The following TACC2 variants were observed in gnomAD, a reference collection of about 807,000 sequenced individuals.
TACC2 encodes the protein transforming acidic coiled-coil-containing protein 2.
A neutral mutation model predicts 227.3 loss-of-function variants in TACC2; 137 were observed. The ratio of observed to expected loss-of-function variants is 0.60; its 90% CI spans 0.52 to 0.69. The LOEUF is 0.69. TACC2 is among the 30% of genes least tolerant of loss of function. The pLI is 0.00. For synonymous variants in TACC2, 1,523 were observed against 1,487.5 expected, an observed-to-expected ratio of 1.02 and a Z score of -0.55; for missense variants, 3,470 against 3,694.4, an observed-to-expected ratio of 0.94 and a Z score of 1.57.
chr10:122,132,265 G>T (rs189726745), intron 5 of TACC2, among the ~76,000 whole-genome samples: 1 of 152,234 alleles, frequency 6.6e-6, no homozygotes, highest in Non-Finnish European at 1.5e-5. Context: ...CTTGTAGGAG[G>T]CCAGGCACGG....
chr10:122,160,427 T>C (rs545032195), intron 7 of TACC2, among the ~76,000 whole-genome samples: 10 of 152,310 alleles, frequency 6.6e-5, no homozygotes, highest in African/African-American at 2.2e-4. Context: ...TTCTGGAGGC[T>C]GGAAGTCTGA....
At chr10:122,212,389 C>G (rs138539060) in intron 9 of TACC2, among the ~76,000 whole-genome samples, 22 of 152,292 alleles carry the variant, frequency 1.4e-4, no homozygotes, top group African/African-American at 3.6e-4. Context: ...GTCCTTGGCT[C>G]TATGGTCCCC....
chr10:122,148,351 G>T (rs1336311366), intron 7 of TACC2, among the ~76,000 whole-genome samples: 1 of 152,160 alleles, frequency 6.6e-6, no homozygotes, highest in South Asian at 2.1e-4. Context: ...TGATCCGACC[G>T]CCTCAGCCTC....
chr10:122,161,651 C>T (rs146536265), intron 7 of TACC2, among the ~76,000 whole-genome samples: 30 of 152,346 alleles, frequency 2.0e-4, no homozygotes, highest in African/African-American at 6.7e-4. Flanking sequence ...AGGCTAAGGA[C>T]GTTTAGATGG....
chr10:122,078,324 G>A (rs930804966), intron 3 of TACC2, among the ~76,000 whole-genome samples: 3 of 151,384 alleles, frequency 2.0e-5, no homozygotes, highest in Admixed American at 6.6e-5. Flanking sequence ...AAACCTGGTC[G>A]TGCAGGGGCC....
intron 11 of TACC2, among the ~76,000 whole-genome samples, chr10:122,221,062 G>A (rs118090091): frequency 6.6e-6 from 1 of 152,344 alleles, no homozygotes; most frequent in East Asian, 1.9e-4. Flanking sequence ...GAATGTTGCA[G>A]AGCTTCAAGT....
In TACC2 at chr10:122,086,119, A is replaced by G. The variant is rs2080070628; in HGVS notation, c.3619A>G (p.Thr1207Ala). Residue 1207 changes from threonine to alanine, a missense_variant, in exon 4 of 23, where the codon ACC becomes GCC. Thr to Ala is a moderately conservative substitution (Grantham distance 58). Transcript: ENST00000369005. Reference protein sequence around the residue: ...ARELGGIPRSTMDFSTHQAVP... With the variant: ...ARELGGIPRSAMDFSTHQAVP... ...AGAGCTGGGTGGGATTCCCAGGAGCACCATGGATTTTTCTACACACCAGGC... is the reference window on the plus strand; with the variant it reads ...AGAGCTGGGTGGGATTCCCAGGAGCGCCATGGATTTTTCTACACACCAGGC... 1 of 1,613,390 alleles carries G rather than the reference A, an allele frequency of 6.2e-7. No homozygotes were observed. The highest frequency in any genetic ancestry group is 8.5e-7 in the Non-Finnish European group (1 of 1,179,978).
chr10:122,018,152 A>G (rs372982436), intron 1 of TACC2, among the ~76,000 whole-genome samples: 1 of 151,940 alleles, frequency 6.6e-6, no homozygotes. Flanking sequence ...GCCCTGGTGT[A>G]TGTTGTTCCC....
At chr10:122,136,998 T>G (rs1268447332) in intron 6 of TACC2, among the ~76,000 whole-genome samples, 2 of 152,142 alleles carry the variant, frequency 1.3e-5, no homozygotes, top group Admixed American at 6.5e-5. Flanking sequence ...CCCTCTAGTT[T>G]CAAGAGCTCT....
chr10:122,008,234 G>A (rs1248984546), intron 1 of TACC2, among the ~76,000 whole-genome samples: 1 of 132,824 alleles, frequency 7.5e-6, no homozygotes, highest in Non-Finnish European at 1.6e-5. Flanking sequence ...TTTGAATTCT[G>A]TCTATCCCTT....
chr10:122,112,927 G>A (rs1478670432), intron 5 of TACC2: 1 of 152,048 alleles, frequency 6.6e-6, no homozygotes, highest in Non-Finnish European at 1.5e-5. Context: ...CCCTGCGCGA[G>A]CAGCTGGCCG....
At chr10:122,008,244 TTG>T (rs1187156339) in intron 1 of TACC2, among the ~76,000 whole-genome samples, 6 of 62,482 alleles carry the variant, frequency 9.6e-5, no homozygotes, top group African/African-American at 4.0e-4. Flanking sequence ...GTCTATCCCT[TTG>T]TTATTATTAT....
intron 6 of TACC2, among the ~76,000 whole-genome samples, chr10:122,133,946 C>T (rs975512027): frequency 6.6e-6 from 1 of 152,118 alleles, no homozygotes; most frequent in East Asian, 1.9e-4. Context: ...GGGACAGGGA[C>T]CTGGGGGCTG....
intron 3 of TACC2, among the ~76,000 whole-genome samples, chr10:122,072,924 C>T (rs1319734576): frequency 2.0e-5 from 3 of 151,354 alleles, no homozygotes; most frequent in Non-Finnish European, 4.4e-5. Context: ...CCATCCTAGC[C>T]AACATGATGA....
intron 11 of TACC2, among the ~76,000 whole-genome samples, chr10:122,223,909 A>C (rs1375757526): frequency 6.6e-6 from 1 of 152,148 alleles, no homozygotes; most frequent in Admixed American, 6.5e-5. Flanking sequence ...GTGAAGACAG[A>C]AGTCCATTCT....
Position 122,210,191 on chromosome 10 carries a change from A to G in TACC2, c.5972-206A>G. The G allele has an allele frequency of 1.6e-6, 1 of 611,328 alleles. No individual in the cohort carries two copies. The highest frequency in any genetic ancestry group is 3.0e-6 in the Non-Finnish European group (1 of 334,472). The allele number at this position is 611,328 out of a possible 1,614,324, so 37.9% of individuals were successfully genotyped here. A position where few individuals can be genotyped will look rare whatever the true frequency, so the allele number is the denominator to read the frequency against. ...ATGATCCTCATTGTACAGATGAGGG[A>G]ACTCTGGGCGAACCTGGCCTGGGTC... On this transcript the variant is annotated intron_variant, in intron 8 of 22. Coordinates refer to ENST00000369005, the MANE Select transcript of TACC2 (RefSeq NM_206862.4). The surrounding 1 kb of genome is among the most constrained non-coding windows in gnomAD (Gnocchi z 4.6).
intron 9 of TACC2, among the ~76,000 whole-genome samples, chr10:122,212,824 T>C (rs534586224): frequency 6.6e-6 from 1 of 152,334 alleles, no homozygotes; most frequent in African/African-American, 2.4e-5. Flanking sequence ...GACTTTGTTT[T>C]AGATCAGTTA....
At chr10:122,020,737 G>C (rs895718204) in intron 1 of TACC2, among the ~76,000 whole-genome samples, 1 of 152,182 alleles carries the variant, frequency 6.6e-6, no homozygotes, top group Non-Finnish European at 1.5e-5. Context: ...CACTGGGTTA[G>C]ACTGGTCATC....
intron 16 of TACC2, among the ~76,000 whole-genome samples, chr10:122,233,876 C>A (rs2095806929): frequency 6.6e-6 from 1 of 152,194 alleles, no homozygotes; most frequent in African/African-American, 2.4e-5. Context: ...CCCATGATCA[C>A]CGCTCCTGCT....
Sources: gnomAD v4.1 joint callset for allele counts (sites outside exome capture counted in the v4.1 genomes callset) on GRCh38, gnomAD v4.1.1 for gene constraint, Gnocchi (gnomAD v3.1) non-coding constraint, MANE v1.5 for transcripts, NCBI Gene and HGNC (gene_info 2026-07-23, HGNC 2026-07-21) for gene names.